The following GPC5 variants were observed in gnomAD, a reference collection of about 807,000 sequenced individuals.
GPC5 encodes the protein glypican-5.
A neutral mutation model predicts 53.9 loss-of-function variants in GPC5; 47 were observed. The observed-to-expected ratio is 0.87, with a 90% CI of 0.69 to 1.11. The LOEUF (loss-of-function observed/expected upper bound fraction) is 1.11. Ranked by LOEUF, GPC5 falls within the 50% of genes most tolerant of loss-of-function variation. GPC5 has a pLI of 0.00. For missense variants in GPC5, 748 were observed against 713.1 expected, an observed-to-expected ratio of 1.05 and a Z score of -0.56; for synonymous variants, 286 against 263.3, an observed-to-expected ratio of 1.09 and a Z score of -0.84.
At chr13:91,507,483 T>G (rs1452673608) in intron 2 of GPC5, among the ~76,000 whole-genome samples, 2 of 152,166 alleles carry the variant, frequency 1.3e-5, no homozygotes, top group East Asian at 3.9e-4. Context: ...AAAAGAGAGC[T>G]TGTGCAGAGA....
chr13:92,520,407 A>T (rs1204785959), intron 7 of GPC5, among the ~76,000 whole-genome samples: 1 of 152,324 alleles, frequency 6.6e-6, no homozygotes, highest in East Asian at 1.9e-4. Flanking sequence ...TGAATCCAGA[A>T]GCACATCAAA....
At chr13:92,455,890 C>G (rs976747453) in intron 7 of GPC5, among the ~76,000 whole-genome samples, 2 of 152,150 alleles carry the variant, frequency 1.3e-5, no homozygotes, top group African/African-American at 4.8e-5. Context: ...TATCAAAAAA[C>G]GTGTCTCTTT....
chr13:91,621,066 T>TGAC (rs2033841640), intron 2 of GPC5, among the ~76,000 whole-genome samples: 1 of 152,130 alleles, frequency 6.6e-6, no homozygotes, highest in Non-Finnish European at 1.5e-5. Flanking sequence ...AAGGGGGTCC[T>TGAC]CTGTTAGAAT....
intron 7 of GPC5, among the ~76,000 whole-genome samples, chr13:92,526,192 C>T (rs748950783): frequency 3.7e-4 from 56 of 151,952 alleles, no homozygotes; most frequent in Non-Finnish European, 6.9e-4. Flanking sequence ...GAATTATAGA[C>T]ATATAGAACA....
At chr13:92,193,454 A>T (rs2042237456) in intron 7 of GPC5, among the ~76,000 whole-genome samples, 1 of 152,188 alleles carries the variant, frequency 6.6e-6, no homozygotes, top group East Asian at 1.9e-4. Flanking sequence ...ACTAACAGGA[A>T]AGGAGAATTC....
intron 7 of GPC5, among the ~76,000 whole-genome samples, chr13:92,623,223 TA>T (rs1335945924): frequency 6.6e-6 from 1 of 151,094 alleles, no homozygotes; most frequent in African/African-American, 2.4e-5. Context: ...AATGTTTAGG[TA>T]AAGAGCAAGA....
chr13:92,337,260 G>C (rs1438850798), intron 7 of GPC5, among the ~76,000 whole-genome samples: 2 of 150,688 alleles, frequency 1.3e-5, no homozygotes, highest in African/African-American at 4.9e-5. Context: ...TCTATCTGAG[G>C]AAAACAACAA....
At position 91,774,328 on chromosome 13, in the gene GPC5, T is replaced by C. The variant is rs370594136; in HGVS notation, c.1280+17908T>C. 1.5e-3 allele frequency among the ~76,000 whole-genome samples: 232 copies of C among 152,336 alleles called. 1 individual carries two copies. The Middle Eastern group carries it at 0.037, about 25-fold the overall frequency. On this transcript the variant is annotated intron_variant, in intron 5 of 7. Coordinates refer to ENST00000377067, the MANE Select transcript of GPC5 (RefSeq NM_004466.6). The stretch of plus-strand genomic sequence containing the variant: ...GTAAGCTGCTTCAAAAGAAATTCCC[T>C]ACTGAAGAATTTCTATGTGATTTTA...
At chr13:91,954,637 G>T (rs2040057010) in intron 6 of GPC5, among the ~76,000 whole-genome samples, 1 of 151,896 alleles carries the variant, frequency 6.6e-6, no homozygotes. Context: ...AACTCCAAAG[G>T]CTGTAATTAA....
chr13:91,841,922 C>T (rs927520928), intron 5 of GPC5, among the ~76,000 whole-genome samples: 5 of 152,144 alleles, frequency 3.3e-5, no homozygotes, highest in African/African-American at 1.2e-4. Context: ...TAGTGATTCA[C>T]ACTCTCCACA....
chr13:91,578,587 T>A (rs2032226298), intron 2 of GPC5, among the ~76,000 whole-genome samples: 1 of 152,150 alleles, frequency 6.6e-6, no homozygotes, highest in African/African-American at 2.4e-5. Context: ...GAAATTTTCA[T>A]CTATAATCGC....
chr13:92,237,794 A>G (rs1466234982), intron 7 of GPC5, among the ~76,000 whole-genome samples: 1 of 152,138 alleles, frequency 6.6e-6, no homozygotes, highest in Non-Finnish European at 1.5e-5. Context: ...CACCCCATAA[A>G]GAAACAACTT....
chr13:92,127,473 T>TA (rs1053227635), intron 6 of GPC5, among the ~76,000 whole-genome samples: 6 of 152,198 alleles, frequency 3.9e-5, no homozygotes, highest in Admixed American at 6.5e-5. Flanking sequence ...TTAAATTCCC[T>TA]ACTGATAGAA....
rs867312189 is a variant in GPC5 at position 92,457,217 on chromosome 13, G to C, written c.1561+312228G>C. ...TCTGTGTAGGATTCATAGTGTATAGGTATGACATTTTCTTTATCCAATCCA... is the reference window on the plus strand; with the variant it reads ...TCTGTGTAGGATTCATAGTGTATAGCTATGACATTTTCTTTATCCAATCCA... On this transcript the variant is annotated intron_variant, in intron 7 of 7. Transcript: ENST00000377067. Among the ~76,000 whole-genome samples the C allele has an allele frequency of 4.6e-5, 7 of 152,102 alleles. No individual in the cohort carries two copies. The South Asian group carries it at 8.3e-4, about 18-fold the overall frequency.
At chr13:92,088,995 G>A (rs560366716) in intron 6 of GPC5, among the ~76,000 whole-genome samples, 2 of 152,260 alleles carry the variant, frequency 1.3e-5, no homozygotes, top group African/African-American at 2.4e-5. Context: ...CTTAGGTTAA[G>A]CTTTTGAATT....
At chr13:92,787,214 A>C (rs1018697623) in intron 7 of GPC5, among the ~76,000 whole-genome samples, 1 of 152,126 alleles carries the variant, frequency 6.6e-6, no homozygotes, top group African/African-American at 2.4e-5. Context: ...GGTTGGGAAG[A>C]TAAAAAATAA....
At chr13:91,677,817 T>G (rs1380611492) in intron 2 of GPC5, among the ~76,000 whole-genome samples, 1 of 152,198 alleles carries the variant, frequency 6.6e-6, no homozygotes, top group African/African-American at 2.4e-5. Flanking sequence ...TTTAAATATA[T>G]ATTTCTAGTG....
intron 6 of GPC5, among the ~76,000 whole-genome samples, chr13:92,064,290 T>C (rs2041147432): frequency 6.6e-6 from 1 of 152,194 alleles, no homozygotes; most frequent in Non-Finnish European, 1.5e-5. Context: ...GTTTTTCAAA[T>C]GTAAGTGCAT....
chr13:91,750,490 G>T (rs978985450), intron 4 of GPC5, among the ~76,000 whole-genome samples: 36 of 152,112 alleles, frequency 2.4e-4, no homozygotes, highest in African/African-American at 8.7e-4. Flanking sequence ...TTGCATGGAT[G>T]CAGTCACTCT....
Sources: gnomAD v4.1 joint callset for allele counts (sites outside exome capture counted in the v4.1 genomes callset) on GRCh38, gnomAD v4.1.1 for gene constraint, MANE v1.5 for transcripts, NCBI Gene and HGNC (gene_info 2026-07-23, HGNC 2026-07-21) for gene names.